Variants in CARM1 observed in about 807,000 individuals in gnomAD.
CARM1 encodes the protein coactivator associated arginine methyltransferase 1, also known as histone-arginine methyltransferase CARM1.
Under a neutral mutation model 72.7 loss-of-function variants are expected in CARM1, and 14 were observed. The ratio of observed to expected loss-of-function variants is 0.19; its 90% confidence interval spans 0.13 to 0.30. The LOEUF is 0.30. CARM1 is among the 10% of genes least tolerant of loss of function. The probability of loss-of-function intolerance (pLI) is 1.00; values close to 1 mark genes in which losing one functional copy is unlikely to be tolerated. For missense variants in CARM1, 432 were observed against 833.7 expected (o/e 0.52, Z 5.93); for synonymous variants, 333 against 345.5 (o/e 0.96, Z 0.40).
rs1184781686 is a variant in CARM1, at chr19:10,871,589, AGCG to A, written c.-66_-64del. The stretch of plus-strand genomic sequence containing the variant: ...CGGCGGCTGCGGCGGCGGTAGCGGC[AGCG>A]GCGGCGGCGGCGGCGGCGGCGGCGG... On this transcript the variant is annotated 5_prime_UTR_variant, in exon 1 of 16. Transcript: ENST00000327064. This position sits in a 1 kb window ranked among gnomAD's most constrained non-coding sequence, Gnocchi z 5.6. The A allele has an allele frequency of 0.047, 5,499 of 117,010 alleles. 145 individuals are homozygous for A. The highest frequency in any genetic ancestry group is 0.069 in the African/African-American group (2,052 of 29,928). The allele number at this position is 117,010 out of a possible 1,614,324, so 7.2% of individuals were successfully genotyped here. A position where few individuals can be genotyped will look rare whatever the true frequency, so the allele number is the denominator to read the frequency against.
chr19:10,898,696 T>C (rs2074041749), intron 1 of CARM1, among the ~76,000 whole-genome samples: 1 of 152,212 alleles, frequency 6.6e-6, no homozygotes, highest in Non-Finnish European at 1.5e-5. Context: ...TGGATCCAGA[T>C]GCCTGTGCGT....
chr19:10,900,884 C>T (rs1452834711), intron 1 of CARM1, among the ~76,000 whole-genome samples: 4 of 151,710 alleles, frequency 2.6e-5, no homozygotes, highest in Admixed American at 6.6e-5. Context: ...GGGGTTTCAC[C>T]GTGTTAGCCA....
intron 1 of CARM1, among the ~76,000 whole-genome samples, chr19:10,878,647 G>A (rs888958105): frequency 1.3e-5 from 2 of 152,192 alleles, no homozygotes; most frequent in African/African-American, 4.8e-5. Context: ...AAGTGGTTCA[G>A]TGACATTTAT....
At chr19:10,874,365 T>G (rs561454934) in intron 1 of CARM1, among the ~76,000 whole-genome samples, 1 of 152,108 alleles carries the variant, frequency 6.6e-6, no homozygotes, top group South Asian at 2.1e-4. Flanking sequence ...TTTTTTGTTT[T>G]TTTTCTTTCT....
chr19:10,916,651 C>A lies in CARM1; in HGVS notation c.939-45C>A. On this transcript the variant is annotated intron_variant, in intron 7 of 15. Coordinates refer to ENST00000327064, the MANE Select transcript of CARM1 (RefSeq NM_199141.2). The surrounding 1 kb of genome is among the most constrained non-coding windows in gnomAD (Gnocchi z 4.4). ...GAAGGCAGGGCTACCCCACCTGCCT[C>A]TTCTGCAGCCCTGACCTTGCTGTGG... The A allele has an allele frequency of 6.6e-7, 1 of 1,522,768 alleles. No individual in the cohort carries two copies. Among genetic ancestry groups the A allele is most frequent in the South Asian group, 1.2e-5 (1 of 84,142 alleles). 94.3% of individuals were successfully genotyped at this position (1,522,768 alleles called of 1,614,324 possible).
intron 1 of CARM1, among the ~76,000 whole-genome samples, chr19:10,887,251 G>A (rs551808761): frequency 8.7e-4 from 133 of 152,206 alleles, no homozygotes; most frequent in Non-Finnish European, 1.5e-3. Flanking sequence ...TGCTGCTCCT[G>A]GTCCTTGTCC....
At chr19:10,905,403 T>TGACTGGAGTTTAGG (rs141505473) in intron 2 of CARM1, among the ~76,000 whole-genome samples, 13 of 151,934 alleles carry the variant, frequency 8.6e-5, no homozygotes, top group Middle Eastern at 3.4e-3. Flanking sequence ...GGGCCAGCTG[T>TGACTGGAGTTTAGG]GGATGGAGTG....
chr19:10,898,083 G>C (rs1268484896), intron 1 of CARM1, among the ~76,000 whole-genome samples: 2 of 151,100 alleles, frequency 1.3e-5, no homozygotes, highest in African/African-American at 4.9e-5. Flanking sequence ...ACTCCAGCCT[G>C]GGAGACAGCG....
At chr19:10,877,607 A>G (rs1380577282) in intron 1 of CARM1, among the ~76,000 whole-genome samples, 2 of 151,676 alleles carry the variant, frequency 1.3e-5, no homozygotes, top group South Asian at 4.2e-4. Context: ...TTTTTAGTAG[A>G]GACAGGGTTT....
At chr19:10,914,316 A>G (rs1187941238) in intron 6 of CARM1, among the ~76,000 whole-genome samples, 1 of 152,130 alleles carries the variant, frequency 6.6e-6, no homozygotes, top group Non-Finnish European at 1.5e-5. Context: ...CTGCCGTCCC[A>G]TGTCCTGCTC....
rs565901419 is a variant in CARM1 at position 10,914,171 on chromosome 19, G to A, written c.847+117G>A. 2.3e-4 allele frequency: 244 copies of A among 1,079,872 alleles called. No individual in the cohort carries two copies. The African/African-American group carries it at 3.3e-3, about 15-fold the overall frequency. The allele number at this position is 1,079,872 out of a possible 1,614,324, so 66.9% of individuals were successfully genotyped here. A position where few individuals can be genotyped will look rare whatever the true frequency, so the allele number is the denominator to read the frequency against. ...TGTCGGTGGCCCGGGGTGTAGGGAA[G>A]CCTGGGCTTTTCCCCCGCTCCCACC... is the stretch of plus-strand genomic sequence containing the variant. On this transcript the variant is annotated intron_variant, in intron 6 of 15. Coordinates refer to ENST00000327064, the MANE Select transcript of CARM1 (RefSeq NM_199141.2).
In CARM1 at chr19:10,915,470, C is replaced by T. The variant is rs890081629; in HGVS notation, c.848-937C>T. ...GCTCTTCCAGGGGTTAAAGGCAGCC[C>T]TCCCCTCTCCCAGTCACATGTCTTC... On this transcript the variant is annotated intron_variant, in intron 6 of 15. Coordinates refer to ENST00000327064, the MANE Select transcript of CARM1 (RefSeq NM_199141.2). This position sits in a 1 kb window ranked among gnomAD's most constrained non-coding sequence, Gnocchi z 4.6. Among the ~76,000 whole-genome samples the T allele has an allele frequency of 6.6e-6, 1 of 152,092 alleles. No homozygotes were observed. The highest frequency in any genetic ancestry group is 1.5e-5 in the Non-Finnish European group (1 of 67,978).
rs375369228 is a variant in CARM1 at position 10,916,432 on chromosome 19, C to G, written c.873C>G (p.Asp291Glu). 3.2e-5 allele frequency: 51 copies of G among 1,613,546 alleles called. No individual in the cohort carries two copies. The highest frequency in any genetic ancestry group is 4.2e-5 in the Non-Finnish European group (50 of 1,179,728). Residue 291 changes from aspartate to glutamate, a missense_variant, in exon 7 of 16, where the codon GAC becomes GAG. Coordinates refer to ENST00000327064, the MANE Select transcript of CARM1 (RefSeq NM_199141.2). This position sits in a 1 kb window ranked among gnomAD's most constrained non-coding sequence, Gnocchi z 4.4. The part of the protein sequence containing the change: ...PSGNMFPTIG[D>E]VHLAPFTDEQ... ...GAAACATGTTTCCTACCATTGGTGACGTCCACCTTGCACCCTTCACGGATG... is the reference window on the plus strand; with the variant it reads ...GAAACATGTTTCCTACCATTGGTGAGGTCCACCTTGCACCCTTCACGGATG...
At chr19:10,882,823 A>G (rs989653797) in intron 1 of CARM1, among the ~76,000 whole-genome samples, 5 of 152,056 alleles carry the variant, frequency 3.3e-5, no homozygotes, top group Non-Finnish European at 7.4e-5. Context: ...GATTGCAGAC[A>G]TGAGCCACCG....
chr19:10,887,584 T>A (rs1409304247), intron 1 of CARM1, among the ~76,000 whole-genome samples: 1 of 152,140 alleles, frequency 6.6e-6, no homozygotes, highest in Non-Finnish European at 1.5e-5. Context: ...GGTCAAAACC[T>A]TTCCTTATTC....
At chr19:10,895,751 T>A (rs1293761365) in intron 1 of CARM1, among the ~76,000 whole-genome samples, 1 of 152,108 alleles carries the variant, frequency 6.6e-6, no homozygotes. Context: ...GCCCCTTGTG[T>A]GCTAGGTACT....
intron 8 of CARM1, among the ~76,000 whole-genome samples, chr19:10,917,204 A>G (rs150165660): frequency 7.3e-4 from 111 of 152,298 alleles, no homozygotes; most frequent in Non-Finnish European, 1.3e-3. Context: ...AAGGAAAAAA[A>G]AGCTAGGTGC....
intron 1 of CARM1, among the ~76,000 whole-genome samples, chr19:10,900,111 C>T (rs2074053369): frequency 6.6e-6 from 1 of 152,078 alleles, no homozygotes; most frequent in African/African-American, 2.4e-5. Context: ...GAGTTTCAGA[C>T]TAGCCTGGGC....
intron 1 of CARM1, among the ~76,000 whole-genome samples, chr19:10,903,710 G>T (rs980121635): frequency 6.6e-6 from 1 of 151,976 alleles, no homozygotes; most frequent in Non-Finnish European, 1.5e-5. Context: ...ACAGGTGTGA[G>T]CCACTCTGTC....
Sources: allele counts gnomAD v4.1 joint callset (sites outside exome capture counted in the v4.1 genomes callset), GRCh38; gene constraint gnomAD v4.1.1; non-coding constraint Gnocchi (gnomAD v3.1); transcripts MANE v1.5; gene names NCBI Gene and HGNC (gene_info 2026-07-23, HGNC 2026-07-21).